OPCML: variants seen among roughly 807,000 people sequenced by gnomAD.
OPCML encodes opioid-binding protein/cell adhesion molecule.
A neutral mutation model predicts 37.8 loss-of-function variants in OPCML; 13 were observed. The observed-to-expected ratio is 0.34, with a 90% CI of 0.22 to 0.55. The LOEUF is 0.55. OPCML is among the 20% of genes least tolerant of loss of function. The probability of loss-of-function intolerance (pLI) is 0.91; values close to 1 mark genes in which losing one functional copy is unlikely to be tolerated. For missense variants in OPCML, 341 were observed against 435.6 expected (o/e 0.78, Z 1.93); for synonymous variants, 176 against 168.8 (o/e 1.04, Z -0.33).
intron 1 of OPCML, among the ~76,000 whole-genome samples, chr11:133,241,204 A>G (rs1303448751): frequency 4.6e-5 from 7 of 152,198 alleles, no homozygotes. Context: ...CTCTTGTAAC[A>G]TCCAATGCTT....
At chr11:132,984,950 C>T (rs1438249406) in intron 1 of OPCML, among the ~76,000 whole-genome samples, 4 of 152,048 alleles carry the variant, frequency 2.6e-5, no homozygotes, top group Non-Finnish European at 5.9e-5. Flanking sequence ...TATTTCTCTA[C>T]CCTCCTGTCC....
intron 1 of OPCML, among the ~76,000 whole-genome samples, chr11:133,481,152 G>T (rs769764513): frequency 1.3e-5 from 2 of 152,138 alleles, no homozygotes; most frequent in Non-Finnish European, 2.9e-5. Flanking sequence ...ACAAATTTGG[G>T]ACCAGGATTT....
intron 1 of OPCML, among the ~76,000 whole-genome samples, chr11:132,973,576 A>T (rs1946390930): frequency 6.6e-6 from 1 of 152,136 alleles, no homozygotes; most frequent in Non-Finnish European, 1.5e-5. Context: ...GCCTGGGTGA[A>T]CTCAGCTTTC....
At chr11:133,523,095 C>T (rs558084321) in intron 1 of OPCML, among the ~76,000 whole-genome samples, 1 of 152,120 alleles carries the variant, frequency 6.6e-6, no homozygotes, top group Non-Finnish European at 1.5e-5. Context: ...ATCCAGAAGA[C>T]AAAACACAAC....
At chr11:132,871,713 A>G (rs541558684) in intron 2 of OPCML, among the ~76,000 whole-genome samples, 1 of 152,314 alleles carries the variant, frequency 6.6e-6, no homozygotes, top group South Asian at 2.1e-4. Context: ...GGCTCAGACT[A>G]CGCACTCAAA....
At chr11:133,516,557 T>C (rs1467954942) in intron 1 of OPCML, among the ~76,000 whole-genome samples, 2 of 152,182 alleles carry the variant, frequency 1.3e-5, no homozygotes, top group East Asian at 3.9e-4. Flanking sequence ...TGAGTTTTAA[T>C]AATACCTCTT....
intron 2 of OPCML, among the ~76,000 whole-genome samples, chr11:132,744,277 A>G (rs1462549486): frequency 6.6e-6 from 1 of 152,214 alleles, no homozygotes; most frequent in Non-Finnish European, 1.5e-5. Context: ...TCGCTTGTCC[A>G]TAAAGACAAT....
intron 1 of OPCML, among the ~76,000 whole-genome samples, chr11:133,019,066 T>C (rs1346318849): frequency 6.6e-6 from 1 of 152,240 alleles, no homozygotes; most frequent in Non-Finnish European, 1.5e-5. Flanking sequence ...TTATGATCTC[T>C]GCAGGCTGGT....
At chr11:133,463,315 G>A (rs1946901962) in intron 1 of OPCML, among the ~76,000 whole-genome samples, 1 of 152,024 alleles carries the variant, frequency 6.6e-6, no homozygotes, top group African/African-American at 2.4e-5. Context: ...TAAAAGTTTT[G>A]GAGATGGATT....
chr11:132,801,489 G>A (rs1938645627), intron 2 of OPCML, among the ~76,000 whole-genome samples: 2 of 152,170 alleles, frequency 1.3e-5, no homozygotes, highest in South Asian at 2.1e-4. Context: ...ACACCAGAAT[G>A]AGATGGAACC....
chr11:132,943,457 C>G lies in OPCML; in HGVS notation c.62-447G>C. 1 of 320,958 alleles carries G rather than the reference C, an allele frequency of 3.1e-6. No individual in the cohort carries two copies. Among genetic ancestry groups the G allele is most frequent in the Non-Finnish European group, 5.9e-6 (1 of 168,188 alleles). The allele number at this position is 320,958 out of a possible 1,614,324, so 19.9% of individuals were successfully genotyped here. A position where few individuals can be genotyped will look rare whatever the true frequency, so the allele number is the denominator to read the frequency against. ...CTCTTCGAGACGCTACTTTAAGATT[C>G]AGTTGGGCACGTTCTGCAGAGCTCT... On this transcript the variant is annotated intron_variant, in intron 1 of 7. Coordinates refer to ENST00000524381, the MANE Select transcript of OPCML (RefSeq NM_001012393.5). The surrounding 1 kb of genome is among the most constrained non-coding windows in gnomAD (Gnocchi z 4.3).
rs905329020 is a variant in OPCML, at chr11:132,436,852, T to G, written c.644-73A>C. ...ACACAGAGTGATTTCGTGAAAGAGATGAAGGGCACATCCAGCCATTTGCTA... is the reference window on the plus strand; with the variant it reads ...ACACAGAGTGATTTCGTGAAAGAGAGGAAGGGCACATCCAGCCATTTGCTA... On this transcript the variant is annotated intron_variant, in intron 5 of 7. Coordinates refer to ENST00000524381, the MANE Select transcript of OPCML (RefSeq NM_001012393.5). The G allele has an allele frequency of 2.2e-5, 34 of 1,561,950 alleles. No homozygotes were observed. The African/African-American group carries it at 4.6e-4, about 21-fold the overall frequency.
intron 4 of OPCML, among the ~76,000 whole-genome samples, chr11:132,470,870 T>C (rs371988317): frequency 8.6e-5 from 13 of 152,038 alleles, no homozygotes; most frequent in African/African-American, 2.7e-4. Flanking sequence ...GAAGACCAGT[T>C]AGGATTATTT....
chr11:133,461,284 A>G (rs375089258), intron 1 of OPCML, among the ~76,000 whole-genome samples: 160 of 152,068 alleles, frequency 1.1e-3, no homozygotes, highest in African/African-American at 3.7e-3. Flanking sequence ...AAGTAAAATT[A>G]TCTTTGGTTG....
At chr11:132,999,851 G>A (rs1946964317) in intron 1 of OPCML, among the ~76,000 whole-genome samples, 1 of 152,142 alleles carries the variant, frequency 6.6e-6, no homozygotes, top group Non-Finnish European at 1.5e-5. Context: ...AGGGCAGGAA[G>A]TGGAAGTTTC....
intron 2 of OPCML, among the ~76,000 whole-genome samples, chr11:132,914,969 T>C (rs529777678): frequency 3.3e-5 from 5 of 152,360 alleles, no homozygotes; most frequent in African/African-American, 1.2e-4. Context: ...CACATTGCCC[T>C]CCAGGTCTGA....
chr11:132,494,094 T>C (rs965173086), intron 4 of OPCML, among the ~76,000 whole-genome samples: 14 of 152,218 alleles, frequency 9.2e-5, no homozygotes, highest in Non-Finnish European at 1.9e-4. Flanking sequence ...TTATGATCTC[T>C]TGTTATGGTC....
At chr11:133,430,373 GA>G (rs1023098788) in intron 1 of OPCML, among the ~76,000 whole-genome samples, 1 of 152,142 alleles carries the variant, frequency 6.6e-6, no homozygotes, top group Non-Finnish European at 1.5e-5. Flanking sequence ...TCAACATTTG[GA>G]AAACAAAATT....
chr11:133,099,564 G>C (rs2137069318), intron 1 of OPCML, among the ~76,000 whole-genome samples: 1 of 150,954 alleles, frequency 6.6e-6, no homozygotes, highest in East Asian at 2.0e-4. Context: ...TGGGATTACA[G>C]ACATGAGCCA....
Sources: gnomAD v4.1 joint callset for allele counts (sites outside exome capture counted in the v4.1 genomes callset) on GRCh38, gnomAD v4.1.1 for gene constraint, Gnocchi (gnomAD v3.1) non-coding constraint, MANE v1.5 for transcripts, NCBI Gene and HGNC (gene_info 2026-07-23, HGNC 2026-07-21) for gene names.